Variants in LSMEM1 observed in about 807,000 individuals in gnomAD.
LSMEM1 encodes the protein leucine rich single-pass membrane protein 1, also known as leucine-rich single-pass membrane protein 1.
Under a neutral mutation model 11.3 loss-of-function variants are expected in LSMEM1, and 10 were observed. The ratio of observed to expected loss-of-function variants is 0.89; its 90% CI spans 0.55 to 1.50. LSMEM1 has a LOEUF of 1.50. LSMEM1 is among the 40% of genes most tolerant of loss of function. The probability of loss-of-function intolerance (pLI) is 0.00; values close to 1 mark genes in which losing one functional copy is unlikely to be tolerated. For missense variants in LSMEM1, 151 were observed against 152.9 expected, an observed-to-expected ratio of 0.99 and a Z score of 0.06; for synonymous variants, 65 against 59.3, an observed-to-expected ratio of 1.10 and a Z score of -0.44.
intron 2 of LSMEM1, 115 bp downstream of exon 2, chr7:112,485,058 G>T: frequency 1.6e-6 from 2 of 1,239,472 alleles, no homozygotes; most frequent in Non-Finnish European, 2.2e-6. Context: ...TTAGGAAGAG[G>T]TTGGCACTGG....
chr7:112,488,927 C>T (rs776925361), intron 3 of LSMEM1, among the ~76,000 whole-genome samples: 16 of 152,142 alleles, frequency 1.1e-4, no homozygotes, highest in Non-Finnish European at 2.1e-4. Context: ...TTTACCAGTG[C>T]TGAAACTGAG....
rs1022401058 is a variant in LSMEM1 at position 112,489,293 on chromosome 7, A to G, written c.257-517A>G. 2.6e-5 allele frequency among the ~76,000 whole-genome samples: 4 copies of G among 152,190 alleles called. No homozygotes were observed. In the East Asian group the frequency reaches 7.7e-4, roughly 29 times the overall value. Reference sequence around the variant, plus strand: ...GTTCCATTCCGTATCTTATTGCCAAAGGTCCTGTGTATTTGGAAAATATTG... The same window carrying G: ...GTTCCATTCCGTATCTTATTGCCAAGGGTCCTGTGTATTTGGAAAATATTG... On this transcript the variant is annotated intron_variant, in intron 3 of 3. Transcript: ENST00000312849.
At chr7:112,484,719 A>G (rs1796094657) in intron 1 of LSMEM1, 93 bp from the exon 2 acceptor site, 1 of 1,361,442 alleles carries the variant, frequency 7.3e-7, no homozygotes, top group East Asian at 2.4e-5. Context: ...GTGGTTCTTC[A>G]TAGGCCTGTC....
At chr7:112,483,707 T>G (rs1796076360) in intron 1 of LSMEM1, 1 of 152,166 alleles carries the variant, frequency 6.6e-6, no homozygotes, top group Admixed American at 6.5e-5. Context: ...CAAGACTCAT[T>G]GAATGCTGAA....
chr7:112,488,288 A>T (rs2117373463), intron 3 of LSMEM1, among the ~76,000 whole-genome samples: 1 of 152,348 alleles, frequency 6.6e-6, no homozygotes, highest in Non-Finnish European at 1.5e-5. Context: ...GCAATGCCAG[A>T]AAGAGCACAT....
rs540022698 is a variant in LSMEM1, at chr7:112,484,958, G to A, written c.127+15G>A. The A allele has an allele frequency of 5.7e-6, 9 of 1,592,200 alleles. No individual in the cohort carries two copies. In the South Asian group the frequency reaches 1.0e-4, roughly 18 times the overall value. ...GCATCTGTTCCGTATGTGTGCTGGG[G>A]AAGGCACAGCAGCCCTTCCTAGCTT... is the stretch of plus-strand genomic sequence containing the variant. On this transcript the variant is annotated intron_variant, in intron 2 of 3. Transcript: ENST00000312849.
intron 2 of LSMEM1, among the ~76,000 whole-genome samples, chr7:112,486,617 A>C (rs1040268203): frequency 6.6e-6 from 1 of 152,154 alleles, no homozygotes; most frequent in Non-Finnish European, 1.5e-5. Flanking sequence ...TCTACTAAAA[A>C]TACAAAAACT....
At chr7:112,483,616 C>T (rs1477791006) in intron 1 of LSMEM1, 1 of 152,248 alleles carries the variant, frequency 6.6e-6, no homozygotes, top group Non-Finnish European at 1.5e-5. Context: ...GGTTGGTTCT[C>T]TCTTCCTAGG....
At chr7:112,484,731 G>A in intron 1 of LSMEM1, 81 bp from the exon 2 acceptor site, 1 of 1,483,640 alleles carries the variant, frequency 6.7e-7, no homozygotes. Context: ...AGGCCTGTCT[G>A]GCTTCCTGGT....
chr7:112,485,160 TCTTGA>T (rs1796105031), intron 2 of LSMEM1, among the ~76,000 whole-genome samples: 1 of 152,162 alleles, frequency 6.6e-6, no homozygotes, highest in South Asian at 2.1e-4. Context: ...AGATTTGAAC[TCTTGA>T]CTTCAAATAT....
chr7:112,489,118 T>C (rs1796191673), intron 3 of LSMEM1, among the ~76,000 whole-genome samples: 1 of 152,230 alleles, frequency 6.6e-6, no homozygotes, highest in Non-Finnish European at 1.5e-5. Flanking sequence ...AACAAAGTCA[T>C]ATTAAATGAG....
chr7:112,487,654 T>C (rs1431131807), intron 3 of LSMEM1, among the ~76,000 whole-genome samples: 2 of 152,230 alleles, frequency 1.3e-5, no homozygotes, highest in African/African-American at 2.4e-5. Context: ...TGACTCAGGC[T>C]TCCCCACCTC....
intron 1 of LSMEM1, among the ~76,000 whole-genome samples, chr7:112,481,919 G>A (rs1387709204): frequency 6.6e-6 from 1 of 152,244 alleles, no homozygotes; most frequent in Non-Finnish European, 1.5e-5. Flanking sequence ...GTGTGATGAA[G>A]AATTGCTAGT....
At chr7:112,482,812 C>T (rs1168225757) in intron 1 of LSMEM1, among the ~76,000 whole-genome samples, 2 of 151,902 alleles carry the variant, frequency 1.3e-5, no homozygotes, top group African/African-American at 4.8e-5. Flanking sequence ...TAGGAATGCT[C>T]TATGAAGTAT....
upstream of LSMEM1, chr7:112,480,820 T>C: frequency 2.2e-6 from 1 of 456,296 alleles, no homozygotes; most frequent in Non-Finnish European, 4.4e-6. Context: ...TCATATTCTG[T>C]CCGTGTTTAT....
At chr7:112,481,449 A>G (rs946014687) in intron 1 of LSMEM1, 103 bp downstream of exon 1, 26 of 152,304 alleles carry the variant, frequency 1.7e-4, no homozygotes, top group African/African-American at 6.3e-4. Context: ...TTTGATAGAA[A>G]TGATTTAGAC....
chr7:112,490,065 G>C lies in LSMEM1; in HGVS notation c.*116G>C. 1 of 1,245,082 alleles carries C rather than the reference G, an allele frequency of 8.0e-7. No individual in the cohort carries two copies. Among genetic ancestry groups the C allele is most frequent in the East Asian group, 2.5e-5 (1 of 40,594 alleles). 77.1% of individuals were successfully genotyped at this position (1,245,082 alleles called of 1,614,324 possible). On this transcript the variant is annotated 3_prime_UTR_variant, in exon 4 of 4. Coordinates refer to ENST00000312849, the MANE Select transcript of LSMEM1 (RefSeq NM_182597.3). ...CTCAGGCAACAGATGATCTGGTCAG[G>C]CAACCCACCCCTGGGGCCCACTTTC...
At chr7:112,480,718 T>C (rs529138143), upstream of LSMEM1, 67 of 438,010 alleles carry the variant, frequency 1.5e-4, no homozygotes, top group Admixed American at 2.7e-4. Flanking sequence ...GGTGGGTCTG[T>C]ATCCATGAAA....
At position 112,487,171 on chromosome 7, in the gene LSMEM1, T is replaced by C. The variant is rs918462644; in HGVS notation, c.256+120T>C. 71 of 1,030,222 alleles carry C rather than the reference T, an allele frequency of 6.9e-5. 1 individual carries two copies. Among genetic ancestry groups the C allele is most frequent in the Admixed American group, 2.5e-4 (10 of 40,506 alleles). 63.8% of individuals were successfully genotyped at this position (1,030,222 alleles called of 1,614,324 possible). A position where few individuals can be genotyped will look rare whatever the true frequency, so the allele number is the denominator to read the frequency against. On this transcript the variant is annotated intron_variant, in intron 3 of 3. Transcript: ENST00000312849. ...TGCTTCCTGGTCATCAATGCTTACA[T>C]TGAAAAAAGAAGGAATGCCTTGAGT...
Sources: gnomAD v4.1 joint callset for allele counts (sites outside exome capture counted in the v4.1 genomes callset) on GRCh38, gnomAD v4.1.1 for gene constraint, MANE v1.5 for transcripts, NCBI Gene and HGNC (gene_info 2026-07-23, HGNC 2026-07-21) for gene names.